Variants in SLC24A3 observed in about 807,000 individuals in gnomAD.
SLC24A3 encodes the protein sodium/potassium/calcium exchanger 3.
Under a neutral mutation model 75.8 loss-of-function variants are expected in SLC24A3, and 28 were observed. The ratio of observed to expected loss-of-function variants is 0.37; its 90% CI spans 0.27 to 0.51. The LOEUF is 0.51. Ranked by LOEUF, SLC24A3 falls within the 20% of genes least tolerant of loss-of-function variation. The probability of loss-of-function intolerance (pLI) is 0.94; values close to 1 mark genes in which losing one functional copy is unlikely to be tolerated. For synonymous variants in SLC24A3, 372 were observed against 334.1 expected (o/e 1.11, Z -1.24); for missense variants, 663 against 847.8 (o/e 0.78, Z 2.71).
Position 19,721,193 on chromosome 20 carries a change from C to T in SLC24A3, c.*53C>T. The T allele has an allele frequency of 6.2e-7, 1 of 1,600,168 alleles. No individual in the cohort carries two copies. Among genetic ancestry groups the T allele is most frequent in the African/African-American group, 1.3e-5 (1 of 74,822 alleles). ...TCCTTCTTTTCTGTGCAATACGAGA[C>T]CCGGCCGCACCCCGAGTCACACAGG... is the stretch of plus-strand genomic sequence containing the variant. On this transcript the variant is annotated 3_prime_UTR_variant, in exon 17 of 17. Coordinates refer to ENST00000328041, the MANE Select transcript of SLC24A3 (RefSeq NM_020689.4).
chr20:19,326,219 G>A (rs1342942811), intron 2 of SLC24A3, among the ~76,000 whole-genome samples: 3 of 152,008 alleles, frequency 2.0e-5, no homozygotes, highest in Admixed American at 6.6e-5. Flanking sequence ...CCCCATTACC[G>A]AGATGTGGGC....
intron 9 of SLC24A3, among the ~76,000 whole-genome samples, chr20:19,679,501 C>CGGAGAGGGAGCCCGTGG (rs2032581795): frequency 9.3e-6 from 1 of 107,118 alleles, no homozygotes; most frequent in Admixed American, 9.8e-5. Context: ...TGGAAAGAGA[C>CGGAGAGGGAGCCCGTGG]GGAGAGGGAG....
chr20:19,492,184 G>T (rs940544954), intron 2 of SLC24A3, among the ~76,000 whole-genome samples: 48 of 152,274 alleles, frequency 3.2e-4, no homozygotes, highest in African/African-American at 1.1e-3. Context: ...ACAAGGCCAT[G>T]GATATTCTTC....
At chr20:19,399,496 G>A (rs954076319) in intron 2 of SLC24A3, among the ~76,000 whole-genome samples, 1 of 151,918 alleles carries the variant, frequency 6.6e-6, no homozygotes, top group Non-Finnish European at 1.5e-5. Flanking sequence ...ATTCTTCTTT[G>A]ACAAATTGAT....
In SLC24A3 at chr20:19,289,582, G is replaced by A. The variant is rs562193407; in HGVS notation, c.271+8495G>A. ...GAACACCCACCTTGGGGAGTGGAGA[G>A]CCTGCAAGAGAAGTCACCTCCTGGT... On this transcript the variant is annotated intron_variant, in intron 2 of 16. Coordinates refer to ENST00000328041, the MANE Select transcript of SLC24A3 (RefSeq NM_020689.4). Among the ~76,000 whole-genome samples, 3 of 152,302 alleles carry A rather than the reference G, an allele frequency of 2.0e-5. No individual in the cohort carries two copies. In the South Asian group the frequency reaches 6.2e-4, roughly 32 times the overall value.
intron 6 of SLC24A3, among the ~76,000 whole-genome samples, chr20:19,607,639 A>G (rs538099860): frequency 1.3e-5 from 2 of 152,270 alleles, no homozygotes; most frequent in South Asian, 4.2e-4. Context: ...ACTGCTGTCA[A>G]ATCTAATCAA....
At chr20:19,394,406 C>A (rs1046629445) in intron 2 of SLC24A3, among the ~76,000 whole-genome samples, 1 of 152,102 alleles carries the variant, frequency 6.6e-6, no homozygotes, top group East Asian at 1.9e-4. Context: ...ACACTATCAA[C>A]ACAATGAAAA....
At chr20:19,673,742 C>G (rs1274301875) in intron 9 of SLC24A3, 88 bp downstream of exon 9, 4 of 1,148,052 alleles carry the variant, frequency 3.5e-6, no homozygotes, top group Non-Finnish European at 2.6e-6. Flanking sequence ...GGGTGGGTAT[C>G]TGACTGGTTT....
chr20:19,333,649 G>T (rs1985054457), intron 2 of SLC24A3, among the ~76,000 whole-genome samples: 1 of 151,152 alleles, frequency 6.6e-6, no homozygotes, highest in Non-Finnish European at 1.5e-5. Context: ...GTGAGTGTGT[G>T]TGTGTGTGAG....
At chr20:19,702,128 C>T (rs1190354382) in intron 15 of SLC24A3, among the ~76,000 whole-genome samples, 5 of 152,186 alleles carry the variant, frequency 3.3e-5, no homozygotes, top group South Asian at 4.1e-4. Context: ...AATTCCAACT[C>T]GATTCAGCAC....
intron 7 of SLC24A3, among the ~76,000 whole-genome samples, chr20:19,658,278 A>G (rs1429126732): frequency 6.9e-6 from 1 of 144,598 alleles, no homozygotes; most frequent in Non-Finnish European, 1.6e-5. Context: ...GGGTCAGGAA[A>G]GCGCCAATAG....
intron 2 of SLC24A3, among the ~76,000 whole-genome samples, chr20:19,377,889 C>A (rs147509652): frequency 3.5e-4 from 53 of 152,196 alleles, no homozygotes; most frequent in African/African-American, 1.2e-3. Context: ...TCTGCTCAAT[C>A]ACATTTTTGT....
intron 1 of SLC24A3, among the ~76,000 whole-genome samples, chr20:19,268,002 T>A (rs1983218666): frequency 6.6e-6 from 1 of 152,342 alleles, no homozygotes; most frequent in South Asian, 2.1e-4. Context: ...AATGGACATG[T>A]GCATGGTGTA....
intron 3 of SLC24A3, among the ~76,000 whole-genome samples, chr20:19,557,193 G>C (rs143454742): frequency 6.6e-6 from 1 of 152,210 alleles, no homozygotes; most frequent in Non-Finnish European, 1.5e-5. Context: ...TTATCCGCTA[G>C]ATAAAGAGGT....
intron 2 of SLC24A3, among the ~76,000 whole-genome samples, chr20:19,361,539 T>A (rs1268139984): frequency 6.6e-6 from 1 of 152,212 alleles, no homozygotes; most frequent in Non-Finnish European, 1.5e-5. Context: ...AGCAATACTC[T>A]TTATTTTGAT....
At chr20:19,546,723 C>T (rs1448417672) in intron 3 of SLC24A3, among the ~76,000 whole-genome samples, 1 of 152,212 alleles carries the variant, frequency 6.6e-6, no homozygotes, top group East Asian at 1.9e-4. Flanking sequence ...AAGCCATCTG[C>T]TCATGGGAGT....
At chr20:19,493,059 C>G (rs1988230759) in intron 2 of SLC24A3, among the ~76,000 whole-genome samples, 1 of 152,246 alleles carries the variant, frequency 6.6e-6, no homozygotes, top group Non-Finnish European at 1.5e-5. Context: ...CCTGAGGTTG[C>G]TTGTGAGGCT....
rs115228197 is a variant in SLC24A3, at chr20:19,479,762, C to A, written c.272-35726C>A. 1.3e-3 allele frequency among the ~76,000 whole-genome samples: 204 copies of A among 152,334 alleles called. 1 individual carries two copies. Among genetic ancestry groups the A allele is most frequent in the African/African-American group, 4.7e-3 (195 of 41,570 alleles). On this transcript the variant is annotated intron_variant, in intron 2 of 16. Transcript: ENST00000328041. ...CTGGAGCTGCATCAGGGGCATTAAC[C>A]CCTAGCTCTGGTCTGTCCCATTGTC...
At chr20:19,392,610 A>G (rs945121565) in intron 2 of SLC24A3, among the ~76,000 whole-genome samples, 2 of 152,178 alleles carry the variant, frequency 1.3e-5, no homozygotes, top group Admixed American at 1.3e-4. Context: ...CCTGGCTCCC[A>G]TGGTAATGAT....
Sources: allele counts gnomAD v4.1 joint callset (sites outside exome capture counted in the v4.1 genomes callset), GRCh38; gene constraint gnomAD v4.1.1; transcripts MANE v1.5; gene names NCBI Gene and HGNC (gene_info 2026-07-23, HGNC 2026-07-21).